The following ACSM5 variants were observed in gnomAD, a reference collection of about 807,000 sequenced individuals.
ACSM5 encodes the protein acyl-CoA synthetase medium chain family member 5.
ACSM5 carries 56 observed loss-of-function variants against 71.6 expected under a neutral mutation model. The observed-to-expected ratio is 0.78, with a 90% CI of 0.63 to 0.98. The LOEUF is 0.98. Among genes scored for constraint, ACSM5 ranks in the 50% least tolerant of loss-of-function variants. The pLI is 0.00. For synonymous variants in ACSM5, 285 were observed against 281.5 expected (o/e 1.01, Z -0.12); for missense variants, 723 against 726.0 (o/e 1.00, Z 0.05).
At position 20,440,506 on chromosome 16, in the gene ACSM5, A is replaced by C; in HGVS notation, c.*79A>C. On this transcript the variant is annotated 3_prime_UTR_variant, in exon 14 of 14. Transcript: ENST00000331849. ...GGATCACTGGTCAGTCCCCATGGGGAGCATCATCTCTTCGACCCTAAAGAT... is the reference window on the plus strand; with the variant it reads ...GGATCACTGGTCAGTCCCCATGGGGCGCATCATCTCTTCGACCCTAAAGAT... 1.5e-6 allele frequency: 2 copies of C among 1,310,964 alleles called. No individual in the cohort carries two copies. The highest frequency in any genetic ancestry group is 2.4e-5 in the South Asian group (2 of 84,176). 81.2% of individuals were successfully genotyped at this position (1,310,964 alleles called of 1,614,324 possible). A position where few individuals can be genotyped will look rare whatever the true frequency, so the allele number is the denominator to read the frequency against.
At chr16:20,423,165 G>A (rs1596616326) in intron 5 of ACSM5, among the ~76,000 whole-genome samples, 1 of 152,180 alleles carries the variant, frequency 6.6e-6, no homozygotes, top group Non-Finnish European at 1.5e-5. Context: ...ATGGGTCTCA[G>A]GACTGAGTGC....
intron 10 of ACSM5, among the ~76,000 whole-genome samples, chr16:20,436,545 G>A (rs11074456): frequency 0.37 from 55,684 of 151,732 alleles, 11,233 homozygotes; most frequent in East Asian, 0.77. Flanking sequence ...TAATTTTTTT[G>A]TCTTTAGTAG....
intron 6 of ACSM5, among the ~76,000 whole-genome samples, chr16:20,427,373 T>C (rs527732768): frequency 5.9e-5 from 9 of 152,212 alleles, no homozygotes; most frequent in Non-Finnish European, 1.3e-4. Flanking sequence ...CACTGGGTGT[T>C]TGCTAGTCTC....
chr16:20,419,338 G>A lies in ACSM5; in HGVS notation c.526G>A (p.Val176Met), dbSNP rs763321661. The change falls in exon 4 of 14, where the codon GTG becomes ATG. Residue 176 changes from valine (V) to methionine (M), a missense_variant. Physicochemically the swap from Val to Met is conservative, Grantham distance 21. Transcript: ENST00000331849. ...CACCAGTGACTCCCTAGCTCCAAGG[G>A]TGGATGCCATCAGTGCCGAATGCCC... ...IITSDSLAPR[V>M]DAISAECPSL... 29 of 1,614,060 alleles carry A rather than the reference G, an allele frequency of 1.8e-5. No individual in the cohort carries two copies. The highest frequency in any genetic ancestry group is 9.3e-6 in the Non-Finnish European group (11 of 1,180,042).
intron 6 of ACSM5, among the ~76,000 whole-genome samples, chr16:20,427,251 G>C (rs1432195188): frequency 6.6e-6 from 1 of 152,106 alleles, no homozygotes; most frequent in African/African-American, 2.4e-5. Context: ...AGTGAGCTGA[G>C]ATCTTGCCAC....
At chr16:20,417,653 A>G (rs1966859555) in intron 2 of ACSM5, among the ~76,000 whole-genome samples, 2 of 152,206 alleles carry the variant, frequency 1.3e-5, no homozygotes, top group African/African-American at 4.8e-5. Flanking sequence ...CCTTGTGAAC[A>G]TACTAAGAAC....
chr16:20,440,418 G>A lies in ACSM5; in HGVS notation c.1731G>A (p.Trp577Ter). 2 of 1,610,372 alleles carry A rather than the reference G, an allele frequency of 1.2e-6. 1 individual carries two copies. The highest frequency in any genetic ancestry group is 1.7e-6 in the Non-Finnish European group (2 of 1,176,858). Reference protein sequence around the residue: ...IQRSKLRSQEWGK With the variant: ...IQRSKLRSQE ...GGAGTAAATTGCGAAGTCAGGAGTG[G>A]GGGAAATGAGGTGCACCCCAGGAAG... Residue 577 changes from tryptophan (W) to a stop codon, truncating the protein, a stop_gained, in exon 14 of 14, where the codon TGG becomes TGA. Coordinates refer to ENST00000331849, the MANE Select transcript of ACSM5 (RefSeq NM_017888.3). LOFTEE classifies it high-confidence loss of function.
Position 20,419,322 on chromosome 16 carries a change from C to T in ACSM5, c.510C>T (p.Asp170=). 1 of 1,614,178 alleles carries T rather than the reference C, an allele frequency of 6.2e-7. No homozygotes were observed. Among genetic ancestry groups the T allele is most frequent in the Non-Finnish European group, 8.5e-7 (1 of 1,180,028 alleles). Residue 170 remains aspartate (D), a synonymous_variant, in exon 4 of 14, where the codon GAC becomes GAT. Transcript: ENST00000331849. ...GGGCCAAGTCCATTATCACCAGTGA[C>T]TCCCTAGCTCCAAGGGTGGATGCCA... is the stretch of plus-strand genomic sequence containing the variant. The part of the protein sequence containing the change: ...ASRAKSIITS[D]SLAPRVDAIS...
At chr16:20,423,878 C>A in intron 5 of ACSM5, 38 bp from the exon 6 acceptor site, 7 of 1,611,330 alleles carry the variant, frequency 4.3e-6, no homozygotes, top group Middle Eastern at 1.7e-4. Context: ...AAGGTAGAGT[C>A]ATTGCCAAGG....
chr16:20,421,640 TATATATATATATATATACAC>T (rs1356140354), intron 5 of ACSM5, among the ~76,000 whole-genome samples: 3 of 133,682 alleles, frequency 2.2e-5, no homozygotes, highest in African/African-American at 8.9e-5. Context: ...TATATATATA[TATATATATATATATATACAC>T]ACACACATAT....
intron 2 of ACSM5, among the ~76,000 whole-genome samples, chr16:20,414,326 T>A (rs1966852648): frequency 1.3e-5 from 2 of 152,096 alleles, no homozygotes; most frequent in South Asian, 4.1e-4. Flanking sequence ...AATATAATCA[T>A]AAGGTACCCT....
chr16:20,427,368 G>A (rs976941423), intron 6 of ACSM5, among the ~76,000 whole-genome samples: 8 of 152,150 alleles, frequency 5.3e-5, no homozygotes, highest in African/African-American at 1.7e-4. Flanking sequence ...TTTCTCACTG[G>A]GTGTTTGCTA....
Position 20,419,246 on chromosome 16 carries a change from G to A in ACSM5, c.434G>A (p.Gly145Asp), listed in dbSNP as rs759577702. The A allele has an allele frequency of 1.2e-6, 2 of 1,614,058 alleles. No individual in the cohort carries two copies. The highest frequency in any genetic ancestry group is 1.1e-5 in the South Asian group (1 of 91,080). The change falls in exon 4 of 14, where the codon GGT (glycine) becomes GAT (aspartate). Residue 145 changes from glycine to aspartate, a missense_variant. Gly to Asp is a moderately conservative substitution (Grantham distance 94). Transcript: ENST00000331849. Reference protein sequence around the residue: ...CMRTGTVMIPGVTQLTEKDLK... With the variant: ...CMRTGTVMIPDVTQLTEKDLK... ...ATGCCAGGGACTGTGATGATTCCGG[G>A]TGTGACTCAGCTGACAGAGAAGGAC...
At chr16:20,414,556 C>G (rs1302417900) in intron 2 of ACSM5, among the ~76,000 whole-genome samples, 2 of 152,194 alleles carry the variant, frequency 1.3e-5, no homozygotes, top group Non-Finnish European at 2.9e-5. Context: ...ATCTCCAGAA[C>G]TATAAGGCTG....
intron 6 of ACSM5, among the ~76,000 whole-genome samples, chr16:20,427,565 T>C (rs28514395): frequency 0.033 from 5,036 of 150,516 alleles, 184 homozygotes; most frequent in African/African-American, 0.1. Context: ...CAGTATGCCA[T>C]TGCTGTCACA....
chr16:20,434,584 C>A (rs1967158745), intron 10 of ACSM5, among the ~76,000 whole-genome samples: 1 of 152,290 alleles, frequency 6.6e-6, no homozygotes, highest in Non-Finnish European at 1.5e-5. Context: ...GTCCCAGCTA[C>A]TTGGGAGGCT....
chr16:20,426,504 C>A (rs1966983216), intron 6 of ACSM5, among the ~76,000 whole-genome samples: 1 of 152,268 alleles, frequency 6.6e-6, no homozygotes, highest in Middle Eastern at 3.4e-3. Context: ...GAAAGCAACA[C>A]AAGTGTCCAT....
chr16:20,420,384 C>T (rs1389436680), intron 4 of ACSM5, among the ~76,000 whole-genome samples: 14 of 152,106 alleles, frequency 9.2e-5, no homozygotes, highest in Non-Finnish European at 1.6e-4. Flanking sequence ...GCAGATCACC[C>T]GAGGTCGGGA....
intron 10 of ACSM5, among the ~76,000 whole-genome samples, chr16:20,432,627 G>A (rs1967121020): frequency 6.6e-6 from 1 of 152,030 alleles, no homozygotes; most frequent in Non-Finnish European, 1.5e-5. Context: ...ATTATTTATT[G>A]TCGACTTCGT....
Sources: allele counts gnomAD v4.1 joint callset (sites outside exome capture counted in the v4.1 genomes callset), GRCh38; gene constraint gnomAD v4.1.1; transcripts MANE v1.5; gene names NCBI Gene and HGNC (gene_info 2026-07-23, HGNC 2026-07-21).